The following KIAA1549L variants were observed in gnomAD, a reference collection of about 807,000 sequenced individuals.
KIAA1549L encodes KIAA1549 like.
In KIAA1549L, 88 loss-of-function variants were observed where a neutral mutation model predicts 160.7. The observed-to-expected ratio is 0.55, with a 90% confidence interval of 0.46 to 0.65. KIAA1549L has a LOEUF of 0.65. Among genes scored for constraint, KIAA1549L ranks in the 30% least tolerant of loss-of-function variants. The pLI, the probability that KIAA1549L is intolerant of heterozygous loss-of-function variation, is 0.00. For synonymous variants in KIAA1549L, 950 were observed against 976.7 expected (o/e 0.97, Z 0.51); for missense variants, 2,258 against 2,437.5 (o/e 0.93, Z 1.55).
chr11:33,420,449 A>G (rs1590232408), intron 1 of KIAA1549L, among the ~76,000 whole-genome samples: 1 of 151,316 alleles, frequency 6.6e-6, no homozygotes, highest in East Asian at 1.9e-4. Flanking sequence ...CTGGTCTTGA[A>G]CTCCTGGGTC....
intron 1 of KIAA1549L, among the ~76,000 whole-genome samples, chr11:33,440,562 A>G (rs1406016183): frequency 6.6e-6 from 1 of 152,240 alleles, no homozygotes; most frequent in Non-Finnish European, 1.5e-5. Flanking sequence ...TATACAATAT[A>G]TGTAATTAGA....
intron 1 of KIAA1549L, among the ~76,000 whole-genome samples, chr11:33,378,931 A>G (rs1590208866): frequency 6.6e-6 from 1 of 152,200 alleles, no homozygotes; most frequent in South Asian, 2.1e-4. Context: ...GTTTGTGGGA[A>G]GAAGTGGTGT....
chr11:33,435,818 G>GTGTGTGTGTGTGTGTGTGTGTA (rs1554976830), intron 1 of KIAA1549L, among the ~76,000 whole-genome samples: 10 of 45,316 alleles, frequency 2.2e-4, no homozygotes, highest in South Asian at 9.2e-4. Context: ...ATATGTGTGT[G>GTGTGTGTGTGTGTGTGTGTGTA]TATATATATA....
chr11:33,576,961 G>A (rs1489069949), intron 10 of KIAA1549L, among the ~76,000 whole-genome samples: 5 of 152,162 alleles, frequency 3.3e-5, no homozygotes, highest in Admixed American at 6.5e-5. Flanking sequence ...TTAGAGCTAA[G>A]GGAATAGGTG....
intron 13 of KIAA1549L, among the ~76,000 whole-genome samples, chr11:33,603,365 A>G (rs999906136): frequency 1.3e-5 from 2 of 151,920 alleles, no homozygotes; most frequent in African/African-American, 4.8e-5. Flanking sequence ...GGGGGATTAG[A>G]TTGTTGGTTA....
At chr11:33,662,147 C>T (rs1052464883) in intron 20 of KIAA1549L, among the ~76,000 whole-genome samples, 1 of 152,138 alleles carries the variant, frequency 6.6e-6, no homozygotes, top group Non-Finnish European at 1.5e-5. Context: ...ACTCTCATGG[C>T]TTGTAGGATT....
chr11:33,605,166 T>C (rs1850467536), intron 13 of KIAA1549L, among the ~76,000 whole-genome samples: 1 of 134,800 alleles, frequency 7.4e-6, no homozygotes, highest in South Asian at 2.2e-4. Flanking sequence ...TTTTGTTTTG[T>C]TTTGTTTTGT....
chr11:33,498,620 A>C (rs1320599195), intron 1 of KIAA1549L, among the ~76,000 whole-genome samples: 1 of 152,230 alleles, frequency 6.6e-6, no homozygotes, highest in Non-Finnish European at 1.5e-5. Flanking sequence ...AGAAGCTGCC[A>C]GGACTTTTAA....
In KIAA1549L at chr11:33,542,466, T is replaced by C; in HGVS notation, c.903T>C (p.Thr301=). The change falls in exon 2 of 21, where the codon ACT becomes ACC. Residue 301 remains threonine, a synonymous_variant. Transcript: ENST00000658780. ...LIPFSDEMDH[T]ASQNAQDLIG... is the part of the protein sequence containing the mutation. ...CATTTTCTGATGAAATGGACCACACTGCATCCCAAAATGCCCAGGATCTCA... is the reference window on the plus strand; with the variant it reads ...CATTTTCTGATGAAATGGACCACACCGCATCCCAAAATGCCCAGGATCTCA... The C allele has an allele frequency of 6.2e-7, 1 of 1,612,280 alleles. No individual in the cohort carries two copies.
At chr11:33,597,696 A>G (rs1222706793) in intron 12 of KIAA1549L, among the ~76,000 whole-genome samples, 1 of 152,176 alleles carries the variant, frequency 6.6e-6, no homozygotes, top group African/African-American at 2.4e-5. Flanking sequence ...TCCCTGACAG[A>G]GTTCCAGAAG....
At chr11:33,604,163 A>G (rs1217051543) in intron 13 of KIAA1549L, among the ~76,000 whole-genome samples, 1 of 152,208 alleles carries the variant, frequency 6.6e-6, no homozygotes, top group African/African-American at 2.4e-5. Flanking sequence ...TTTATTATCT[A>G]CATTTATTAT....
intron 12 of KIAA1549L, among the ~76,000 whole-genome samples, chr11:33,593,375 G>A (rs1850113065): frequency 6.6e-6 from 1 of 152,222 alleles, no homozygotes; most frequent in Admixed American, 6.5e-5. Flanking sequence ...GGAATTCAAG[G>A]CTGCAGGGAG....
chr11:33,397,866 G>GT (rs35272326), intron 1 of KIAA1549L, among the ~76,000 whole-genome samples: 69,684 of 145,170 alleles, frequency 0.48, 18,713 homozygotes, highest in Non-Finnish European at 0.6. Flanking sequence ...TTGTTTATTT[G>GT]TTTTTTTTAA....
At chr11:33,384,080 C>T (rs1252321505) in intron 1 of KIAA1549L, among the ~76,000 whole-genome samples, 4 of 152,266 alleles carry the variant, frequency 2.6e-5, no homozygotes, top group African/African-American at 9.6e-5. Flanking sequence ...AATCCAGATA[C>T]AGAACATTTC....
At chr11:33,613,145 G>A (rs187220086) in intron 15 of KIAA1549L, among the ~76,000 whole-genome samples, 1 of 152,244 alleles carries the variant, frequency 6.6e-6, no homozygotes, top group Admixed American at 6.5e-5. Context: ...GGCTCAAATG[G>A]TAGTTCTGTT....
chr11:33,504,348 A>G (rs1354165016), intron 1 of KIAA1549L, among the ~76,000 whole-genome samples: 2 of 152,146 alleles, frequency 1.3e-5, no homozygotes, highest in African/African-American at 4.8e-5. Context: ...TTGTTTGCCT[A>G]CTGTGGACAG....
At chr11:33,563,288 G>A (rs1163878253) in intron 8 of KIAA1549L, among the ~76,000 whole-genome samples, 1 of 147,656 alleles carries the variant, frequency 6.8e-6, no homozygotes, top group African/African-American at 2.5e-5. Context: ...GGCGGAGGTT[G>A]TAGTGAGTCA....
intron 1 of KIAA1549L, among the ~76,000 whole-genome samples, chr11:33,478,041 G>A (rs542472120): frequency 6.6e-6 from 1 of 152,332 alleles, no homozygotes; most frequent in South Asian, 2.1e-4. Context: ...GCCAGAGGGG[G>A]TGTTGGCTTG....
At chr11:33,395,647 T>C (rs1565118532) in intron 1 of KIAA1549L, among the ~76,000 whole-genome samples, 1 of 152,176 alleles carries the variant, frequency 6.6e-6, no homozygotes, top group African/African-American at 2.4e-5. Context: ...CATGTTTTCT[T>C]ATTGGCTGAC....
Sources: gnomAD v4.1 joint callset for allele counts (sites outside exome capture counted in the v4.1 genomes callset) on GRCh38, gnomAD v4.1.1 for gene constraint, MANE v1.5 for transcripts, NCBI Gene and HGNC (gene_info 2026-07-23, HGNC 2026-07-21) for gene names.